The following NAV3 variants were observed in gnomAD, a reference collection of about 807,000 sequenced individuals.
The protein encoded by NAV3 is pore membrane and/or filament interacting like protein 1.
Under a neutral mutation model 244.7 loss-of-function variants are expected in NAV3, and 87 were observed. The observed-to-expected ratio is 0.36, with a 90% CI of 0.30 to 0.42. NAV3 has a LOEUF of 0.42. NAV3 is among the 20% of genes least tolerant of loss of function. The probability of loss-of-function intolerance (pLI) is 1.00; values close to 1 mark genes in which losing one functional copy is unlikely to be tolerated. For synonymous variants in NAV3, 1,126 were observed against 1,042.2 expected, an observed-to-expected ratio of 1.08 and a Z score of -1.55; for missense variants, 2,663 against 2,893.3, an observed-to-expected ratio of 0.92 and a Z score of 1.83.
intron 2 of NAV3, among the ~76,000 whole-genome samples, chr12:77,678,580 G>A (rs1462820212): frequency 1.3e-5 from 2 of 152,100 alleles, no homozygotes; most frequent in East Asian, 1.9e-4. Flanking sequence ...AACTTTCTGC[G>A]GAATGCTAGC....
Position 77,881,225 on chromosome 12 carries a change from T to C in NAV3, c.243+49521T>C, listed in dbSNP as rs187970650. Among the ~76,000 whole-genome samples the C allele has an allele frequency of 2.6e-4, 39 of 152,316 alleles. 1 individual carries two copies. Among genetic ancestry groups the C allele is most frequent in the African/African-American group, 8.9e-4 (37 of 41,578 alleles). The stretch of plus-strand genomic sequence containing the variant: ...ATGGATATAACACTTTTTAGTGGAA[T>C]TTTTACTGTAATGTCTTAGACCTTA... On this transcript the variant is annotated intron_variant, in intron 1 of 39. Coordinates refer to ENST00000397909, the MANE Select transcript of NAV3 (RefSeq NM_001024383.2).
intron 2 of NAV3, among the ~76,000 whole-genome samples, chr12:77,681,610 G>T (rs10161502): frequency 0.091 from 13,910 of 152,090 alleles, 942 homozygotes; most frequent in African/African-American, 0.19. Context: ...ATAATCAACT[G>T]TTTTTTTCAA....
intron 2 of NAV3, among the ~76,000 whole-genome samples, chr12:77,725,645 A>G (rs1280209838): frequency 6.6e-6 from 1 of 151,950 alleles, no homozygotes; most frequent in Admixed American, 6.6e-5. Context: ...AAAAAAAAAA[A>G]GTGAACTCTT....
intron 1 of NAV3, among the ~76,000 whole-genome samples, chr12:77,891,632 A>T (rs757363467): frequency 6.6e-6 from 1 of 152,202 alleles, no homozygotes; most frequent in Non-Finnish European, 1.5e-5. Flanking sequence ...TAAAAAATGT[A>T]CTCGGTCATA....
At chr12:77,781,931 G>T (rs953947878) in intron 2 of NAV3, among the ~76,000 whole-genome samples, 2 of 152,124 alleles carry the variant, frequency 1.3e-5, no homozygotes, top group African/African-American at 4.8e-5. Context: ...CATCACTTTT[G>T]CTATGGTCTA....
intron 2 of NAV3, among the ~76,000 whole-genome samples, chr12:77,692,878 ATAATACTAGAAACATAACATCAG>A (rs1161077509): frequency 6.6e-6 from 1 of 152,204 alleles, no homozygotes; most frequent in African/African-American, 2.4e-5. Flanking sequence ...ATAGAATAAT[ATAATACTAGAAACATAACATCAG>A]GGAGACCTGA....
chr12:77,769,373 C>T (rs1005780289), intron 2 of NAV3, among the ~76,000 whole-genome samples: 2 of 152,272 alleles, frequency 1.3e-5, no homozygotes, highest in African/African-American at 4.8e-5. Flanking sequence ...TAATAGCTAA[C>T]AGAACAGTAC....
chr12:78,173,389 T>A (rs1958085580), intron 24 of NAV3, among the ~76,000 whole-genome samples: 1 of 151,688 alleles, frequency 6.6e-6, no homozygotes, highest in Non-Finnish European at 1.5e-5. Context: ...TTATTAATTC[T>A]GGATATAATA....
At chr12:77,784,835 A>G (rs1870830032) in intron 2 of NAV3, among the ~76,000 whole-genome samples, 1 of 152,206 alleles carries the variant, frequency 6.6e-6, no homozygotes, top group Admixed American at 6.5e-5. Flanking sequence ...AGGGCATGAC[A>G]AGGATATAGG....
At chr12:77,905,660 C>T (rs919074108) in intron 1 of NAV3, among the ~76,000 whole-genome samples, 8 of 152,058 alleles carry the variant, frequency 5.3e-5, no homozygotes, top group African/African-American at 1.9e-4. Context: ...ATTTCTTACT[C>T]TTGGAAGTTT....
intron 2 of NAV3, among the ~76,000 whole-genome samples, chr12:77,822,048 C>T (rs1363455419): frequency 1.3e-5 from 2 of 151,982 alleles, no homozygotes; most frequent in Non-Finnish European, 2.9e-5. Context: ...AGCTGATATC[C>T]TGGAAGCAAG....
At chr12:77,865,297 G>A (rs1259050724) in intron 1 of NAV3, among the ~76,000 whole-genome samples, 3 of 151,892 alleles carry the variant, frequency 2.0e-5, no homozygotes, top group Non-Finnish European at 2.9e-5. Flanking sequence ...TATGTGAAAG[G>A]TTTCTATTGA....
intron 2 of NAV3, among the ~76,000 whole-genome samples, chr12:77,630,530 A>C (rs887571184): frequency 3.3e-5 from 5 of 152,168 alleles, no homozygotes; most frequent in African/African-American, 1.2e-4. Context: ...TAACAGAATA[A>C]ATCATGTGCC....
chr12:77,852,558 A>C (rs1000687320), intron 1 of NAV3, among the ~76,000 whole-genome samples: 2 of 152,032 alleles, frequency 1.3e-5, no homozygotes, highest in Admixed American at 6.6e-5. Flanking sequence ...TAAATAAATA[A>C]ATAAATAAAT....
chr12:77,712,629 G>T (rs1186879249), intron 2 of NAV3, among the ~76,000 whole-genome samples: 1 of 152,170 alleles, frequency 6.6e-6, no homozygotes, highest in Middle Eastern at 3.4e-3. Flanking sequence ...CTCTTGTTTT[G>T]CCTGTTGGAT....
chr12:77,782,854 T>A (rs1458394399), intron 2 of NAV3, among the ~76,000 whole-genome samples: 1 of 152,172 alleles, frequency 6.6e-6, no homozygotes, highest in Non-Finnish European at 1.5e-5. Context: ...ATACTTTAAT[T>A]TTTTTTCTCT....
intron 22 of NAV3, among the ~76,000 whole-genome samples, chr12:78,152,692 C>A (rs1379249722): frequency 2.0e-5 from 3 of 151,898 alleles, no homozygotes; most frequent in African/African-American, 7.2e-5. Flanking sequence ...GTAATATACA[C>A]ATATTTTTAA....
intron 1 of NAV3, among the ~76,000 whole-genome samples, chr12:77,871,134 G>C (rs1880889050): frequency 6.6e-6 from 1 of 151,978 alleles, no homozygotes; most frequent in African/African-American, 2.4e-5. Context: ...ACTCCCTAGT[G>C]GCTTATACTT....
Position 77,654,737 on chromosome 12 carries a change from C to T in NAV3, c.72+82471C>T, listed in dbSNP as rs190123468. Among the ~76,000 whole-genome samples, 50 of 152,052 alleles carry T rather than the reference C, an allele frequency of 3.3e-4. No individual in the cohort carries two copies. The East Asian group carries it at 3.9e-3, about 12-fold the overall frequency. On this transcript the variant is annotated intron_variant, in intron 2 of 8. Transcript: ENST00000550042. ...GGGGCAGACTGACACCTCACATGGCCGGGTACTCCTCTGAGACAAAACTTC... is the reference window on the plus strand; with the variant it reads ...GGGGCAGACTGACACCTCACATGGCTGGGTACTCCTCTGAGACAAAACTTC...
Sources: allele counts gnomAD v4.1 joint callset (sites outside exome capture counted in the v4.1 genomes callset), GRCh38; gene constraint gnomAD v4.1.1; transcripts MANE v1.5; gene names NCBI Gene and HGNC (gene_info 2026-07-23, HGNC 2026-07-21).